Variants in STPG2 observed in about 807,000 individuals in gnomAD.
The protein encoded by STPG2 is sperm-tail PG-rich repeat-containing protein 2.
In STPG2, 56 loss-of-function variants were observed where a neutral mutation model predicts 54.2. That is an observed-to-expected ratio of 1.03 (90% CI 0.83 to 1.29). The LOEUF (loss-of-function observed/expected upper bound fraction) is 1.29, where lower values mean the gene tolerates loss of function less well. Among genes scored for constraint, STPG2 ranks in the 50% most tolerant of loss-of-function variants. STPG2 has a pLI of 0.00. For missense variants in STPG2, 596 were observed against 544.9 expected, an observed-to-expected ratio of 1.09 and a Z score of -0.93; for synonymous variants, 200 against 181.8, an observed-to-expected ratio of 1.10 and a Z score of -0.81.
At chr4:97,490,027 T>C (rs1325466362) in intron 4 of STPG2, 4 of 151,374 alleles carry the variant, frequency 2.6e-5, no homozygotes, top group South Asian at 2.1e-4. Context: ...CACCAAGAAA[T>C]CCAGGGAAGA....
At chr4:97,831,164 G>A (rs1036766647) in intron 9 of STPG2, among the ~76,000 whole-genome samples, 2 of 151,946 alleles carry the variant, frequency 1.3e-5, no homozygotes, top group African/African-American at 4.8e-5. Context: ...GGAAATCATA[G>A]CAAACAGTCT....
At chr4:97,666,137 CT>C (rs549782702) in intron 10 of STPG2, among the ~76,000 whole-genome samples, 132 of 152,288 alleles carry the variant, frequency 8.7e-4, no homozygotes, top group Non-Finnish European at 1.5e-3. Flanking sequence ...ACAGCCATAG[CT>C]TAGGTGGCTG....
chr4:97,694,403 G>C (rs955988066), intron 10 of STPG2, among the ~76,000 whole-genome samples: 5 of 151,830 alleles, frequency 3.3e-5, no homozygotes, highest in African/African-American at 1.2e-4. Flanking sequence ...CATGCATAAA[G>C]AGGAGATGGA....
intron 9 of STPG2, among the ~76,000 whole-genome samples, chr4:97,719,732 G>A (rs1005272064): frequency 2.0e-5 from 3 of 151,850 alleles, no homozygotes; most frequent in Admixed American, 2.0e-4. Context: ...ATCAAGAAAG[G>A]AAGAATCAAT....
chr4:97,562,420 G>C (rs950071113), intron 10 of STPG2, among the ~76,000 whole-genome samples: 8 of 152,210 alleles, frequency 5.3e-5, no homozygotes, highest in Admixed American at 1.3e-4. Flanking sequence ...TTTCCTAATT[G>C]AATACCCTTT....
At chr4:97,840,692 C>G (rs1728770086) in intron 9 of STPG2, 81 bp downstream of exon 9, 2 of 1,466,118 alleles carry the variant, frequency 1.4e-6, no homozygotes, top group African/African-American at 2.9e-5. Flanking sequence ...TCTCCAAGAA[C>G]CTATCAATGA....
At chr4:97,579,976 T>C (rs1732823290) in intron 10 of STPG2, among the ~76,000 whole-genome samples, 2 of 151,988 alleles carry the variant, frequency 1.3e-5, no homozygotes, top group South Asian at 2.1e-4. Flanking sequence ...ATCTAACTGA[T>C]AGAAAATAGA....
rs35225418 is a variant in STPG2, at chr4:98,086,666, GAAAAAA to G, written c.612+19281_612+19286del. Among the ~76,000 whole-genome samples the G allele has an allele frequency of 6.0e-3, 571 of 94,908 alleles. 3 individuals are homozygous for G. The highest frequency in any genetic ancestry group is 0.039 in the South Asian group (100 of 2,580). 62.3% of individuals were successfully genotyped at this position (94,908 alleles called of 152,430 possible). ...ATAATGAATCCACAGATGCATGCCA[GAAAAAA>G]AAAAAAAAAAAAAAAGGTGCCCTGC... is the stretch of plus-strand genomic sequence containing the variant. On this transcript the variant is annotated intron_variant, in intron 5 of 10. Transcript: ENST00000295268.
At chr4:97,562,995 A>T (rs368775652) in intron 10 of STPG2, among the ~76,000 whole-genome samples, 30 of 152,140 alleles carry the variant, frequency 2.0e-4, no homozygotes, top group East Asian at 5.8e-4. Context: ...TTCTATTGAT[A>T]GGAATAGTTT....
At chr4:97,591,006 A>G (rs1289925155) in intron 10 of STPG2, among the ~76,000 whole-genome samples, 1 of 152,160 alleles carries the variant, frequency 6.6e-6, no homozygotes, top group Non-Finnish European at 1.5e-5. Flanking sequence ...AAACAATTAT[A>G]TTGAAGTTGC....
At chr4:97,872,970 T>G (rs1322403704) in intron 8 of STPG2, among the ~76,000 whole-genome samples, 4 of 151,342 alleles carry the variant, frequency 2.6e-5, no homozygotes, top group Non-Finnish European at 5.9e-5. Flanking sequence ...TCTGGAAACT[T>G]TTAAGTTATG....
Position 98,134,434 on chromosome 4 carries a change from CAAAG to C in STPG2, c.131_134del (p.Ser44Ter), listed in dbSNP as rs770499189. The stretch of plus-strand genomic sequence containing the variant: ...TGGTAAAAGTACTTTCTCTGGCAGT[CAAAG>C]AAAGAAATGGTGCATTACTACCTAT... On this transcript the variant is annotated frameshift_variant, in exon 2 of 11. Transcript: ENST00000295268. LOFTEE classifies it high-confidence loss of function. The C allele has an allele frequency of 3.0e-5, 47 of 1,582,242 alleles. No individual in the cohort carries two copies. Among genetic ancestry groups the C allele is most frequent in the Admixed American group, 1.4e-4 (8 of 57,524 alleles).
chr4:97,841,476 T>A (rs1341971030), intron 8 of STPG2, among the ~76,000 whole-genome samples: 1 of 151,792 alleles, frequency 6.6e-6, no homozygotes, highest in African/African-American at 2.4e-5. Context: ...ATAAATATAA[T>A]AATTAATTCT....
At chr4:97,475,539 G>A (rs142661435) in intron 4 of STPG2, among the ~76,000 whole-genome samples, 336 of 151,010 alleles carry the variant, frequency 2.2e-3, no homozygotes, top group African/African-American at 7.7e-3. Context: ...CATATTCAAC[G>A]TATGTTACAT....
intron 3 of STPG2, among the ~76,000 whole-genome samples, chr4:98,114,774 T>TGC (rs1739467956): frequency 6.6e-6 from 1 of 151,340 alleles, no homozygotes; most frequent in African/African-American, 2.4e-5. Context: ...TTTGTGTGTG[T>TGC]GTGTGTGTGT....
intron 5 of STPG2, among the ~76,000 whole-genome samples, chr4:98,090,249 A>G (rs1169170245): frequency 1.3e-5 from 2 of 151,964 alleles, no homozygotes; most frequent in African/African-American, 4.8e-5. Context: ...TGGAGATCCA[A>G]TTTCATTCTT....
intron 8 of STPG2, among the ~76,000 whole-genome samples, chr4:97,846,362 C>T (rs1728948289): frequency 6.6e-6 from 1 of 152,082 alleles, no homozygotes; most frequent in African/African-American, 2.4e-5. Flanking sequence ...TGTGGTGGCT[C>T]ATGCCTGTAA....
chr4:98,024,465 T>C (rs866032456), intron 5 of STPG2, among the ~76,000 whole-genome samples: 4 of 152,224 alleles, frequency 2.6e-5, no homozygotes, highest in South Asian at 4.1e-4. Context: ...CCATATGTCC[T>C]ATAAAATTAA....
chr4:97,907,457 G>A (rs1306437804), intron 8 of STPG2, among the ~76,000 whole-genome samples: 4 of 151,982 alleles, frequency 2.6e-5, no homozygotes. Flanking sequence ...GTAATTTACA[G>A]ATTCAATGCC....
Sources: allele counts gnomAD v4.1 joint callset (sites outside exome capture counted in the v4.1 genomes callset), GRCh38; gene constraint gnomAD v4.1.1; transcripts MANE v1.5; gene names NCBI Gene and HGNC (gene_info 2026-07-23, HGNC 2026-07-21).